D2HGDH: variants seen among roughly 807,000 people sequenced by gnomAD.
D2HGDH encodes D-2-hydroxyglutarate dehydrogenase, mitochondrial.
Under a neutral mutation model 46.9 loss-of-function variants are expected in D2HGDH, and 31 were observed. The ratio of observed to expected loss-of-function variants is 0.66; its 90% CI spans 0.50 to 0.89. D2HGDH has a LOEUF of 0.89. Ranked by LOEUF, D2HGDH falls within the 40% of genes least tolerant of loss-of-function variation. The pLI is 0.00. For missense variants in D2HGDH, 698 were observed against 720.8 expected (o/e 0.97, Z 0.36); for synonymous variants, 364 against 332.6 (o/e 1.09, Z -1.03).
At chr2:241,751,467 T>C in intron 8 of D2HGDH, 79 bp downstream of exon 8, 2 of 1,582,250 alleles carry the variant, frequency 1.3e-6, no homozygotes, top group Non-Finnish European at 1.7e-6. Flanking sequence ...GGAACGGTCA[T>C]TGGTGCAGCC....
chr2:241,757,308 G>A (rs1182869992), intron 9 of D2HGDH, among the ~76,000 whole-genome samples: 1 of 152,130 alleles, frequency 6.6e-6, no homozygotes, highest in Non-Finnish European at 1.5e-5. Context: ...TAGGAAGGCA[G>A]GACTCCTGAA....
At chr2:241,754,689 G>C (rs1037952527) in intron 8 of D2HGDH, 1 of 191,900 alleles carries the variant, frequency 5.2e-6, no homozygotes, top group Admixed American at 5.5e-5. Context: ...CTGCAGCCTC[G>C]ACCTCCTGGG....
chr2:241,751,126 G>C, intron 7 of D2HGDH, 120 bp from the exon 8 acceptor site: 1 of 1,381,944 alleles, frequency 7.2e-7, no homozygotes, highest in Non-Finnish European at 1.0e-6. Flanking sequence ...AGGCTGCCTG[G>C]GTCCTTCTTG....
chr2:241,756,369 C>G (rs887937333), intron 9 of D2HGDH, among the ~76,000 whole-genome samples: 4 of 152,232 alleles, frequency 2.6e-5, no homozygotes, highest in Non-Finnish European at 5.9e-5. Flanking sequence ...TCACAGGGCC[C>G]GGCCCCGAGG....
chr2:241,768,271 C>G lies in D2HGDH; in HGVS notation c.*302C>G, dbSNP rs184270343. ...GTGGAAGCGGGGTGGGTCTCACTTG[C>G]GTGGTGGCCCCTGGCCCCATCTTGC... On this transcript the variant is annotated 3_prime_UTR_variant, in exon 10 of 10. Transcript: ENST00000321264. 4.6e-6 allele frequency: 2 copies of G among 431,084 alleles called. No homozygotes were observed. The highest frequency in any genetic ancestry group is 3.3e-5 in the South Asian group (1 of 30,502). The allele number at this position is 431,084 out of a possible 1,614,324, so 26.7% of individuals were successfully genotyped here.
intron 2 of D2HGDH, among the ~76,000 whole-genome samples, chr2:241,736,955 T>C (rs1693039765): frequency 6.6e-6 from 1 of 151,502 alleles, no homozygotes; most frequent in Non-Finnish European, 1.5e-5. Flanking sequence ...GCCACTGCAC[T>C]TAGCTGGACC....
intron 9 of D2HGDH, among the ~76,000 whole-genome samples, chr2:241,760,661 CCAAT>C (rs781271718): frequency 3.3e-5 from 5 of 151,936 alleles, no homozygotes; most frequent in Non-Finnish European, 7.4e-5. Context: ...TGGGCCTTAC[CCAAT>C]CAGTCGAAGG....
chr2:241,754,338 A>G (rs1461288481), intron 8 of D2HGDH, among the ~76,000 whole-genome samples: 3 of 152,156 alleles, frequency 2.0e-5, no homozygotes, highest in Admixed American at 6.5e-5. Context: ...ATCTGACCGA[A>G]CTAGCTCTAG....
chr2:241,761,487 C>T (rs1026215668), intron 9 of D2HGDH, among the ~76,000 whole-genome samples: 1 of 152,028 alleles, frequency 6.6e-6, no homozygotes, highest in Non-Finnish European at 1.5e-5. Flanking sequence ...TGCAGTGAGG[C>T]GAGGTTGTGC....
At chr2:241,755,785 T>C (rs753774071) in intron 8 of D2HGDH, 64 bp from the exon 9 acceptor site, 1 of 1,611,808 alleles carries the variant, frequency 6.2e-7, no homozygotes, top group Non-Finnish European at 8.5e-7. Flanking sequence ...CCGTGTGGTG[T>C]GCCCCCTGTC....
At chr2:241,746,365 TTTGA>T (rs1259804866) in intron 6 of D2HGDH, among the ~76,000 whole-genome samples, 39 of 152,326 alleles carry the variant, frequency 2.6e-4, no homozygotes, top group Admixed American at 1.9e-3. Flanking sequence ...AGTTTTACAT[TTTGA>T]TTATGAAAGT....
intron 1 of D2HGDH, 79 bp from the exon 2 acceptor site, chr2:241,735,054 G>A (rs1692377833): frequency 2.7e-6 from 2 of 748,336 alleles, no homozygotes; most frequent in South Asian, 2.2e-5. Flanking sequence ...CTGCCCTCCT[G>A]CCCCCTCCCT....
rs1575222566 is a variant in D2HGDH at position 241,743,270 on chromosome 2, A to G, written c.491-352A>G. Among the ~76,000 whole-genome samples, 1 of 152,326 alleles carries G rather than the reference A, an allele frequency of 6.6e-6. No homozygotes were observed. The highest frequency in any genetic ancestry group is 2.4e-5 in the African/African-American group (1 of 41,570). On this transcript the variant is annotated intron_variant, in intron 4 of 9. Transcript: ENST00000321264. This position sits in a 1 kb window ranked among gnomAD's most constrained non-coding sequence, Gnocchi z 4.8. ...CTTGGCCTCCGCCTACAAGGTGCCC[A>G]TGGCACCCCCAACCCAGGCATTGTC...
intron 2 of D2HGDH, chr2:241,735,972 A>T (rs1216287742): frequency 4.9e-6 from 1 of 202,678 alleles, no homozygotes; most frequent in Non-Finnish European, 1.0e-5. Flanking sequence ...CATGTTGGCC[A>T]GGATGGTCTC....
At chr2:241,746,399 G>A (rs1266732677) in intron 6 of D2HGDH, among the ~76,000 whole-genome samples, 1 of 152,046 alleles carries the variant, frequency 6.6e-6, no homozygotes, top group East Asian at 1.9e-4. Context: ...TAAAAGTTTT[G>A]TTATTTTTGT....
At position 241,750,312 on chromosome 2, in the gene D2HGDH, A is replaced by C; in HGVS notation, c.997+18A>C. On this transcript the variant is annotated intron_variant, in intron 7 of 9. Coordinates refer to ENST00000321264, the MANE Select transcript of D2HGDH (RefSeq NM_152783.5). ...GGTGCAAGGTACTGACCCCCCACAC[A>C]GGGGGCAGCTGGTCCTGCAGCTCCT... The C allele has an allele frequency of 3.7e-6, 5 of 1,364,478 alleles. No individual in the cohort carries two copies. In the South Asian group the frequency reaches 5.7e-5, roughly 16 times the overall value. 84.5% of individuals were successfully genotyped at this position (1,364,478 alleles called of 1,614,324 possible). A position where few individuals can be genotyped will look rare whatever the true frequency, so the allele number is the denominator to read the frequency against.
At chr2:241,761,038 G>A (rs749479178) in intron 9 of D2HGDH, among the ~76,000 whole-genome samples, 4 of 152,176 alleles carry the variant, frequency 2.6e-5, no homozygotes, top group Non-Finnish European at 5.9e-5. Flanking sequence ...TGCACAGTGC[G>A]AGGACTTCAG....
At chr2:241,755,799 G>A (rs770341529) in intron 8 of D2HGDH, 50 bp from the exon 9 acceptor site, 25 of 1,610,590 alleles carry the variant, frequency 1.6e-5, no homozygotes, top group Middle Eastern at 1.6e-4. Context: ...CCCTGTCCCC[G>A]GGTGTCGTTC....
intron 8 of D2HGDH, among the ~76,000 whole-genome samples, chr2:241,754,157 G>A (rs112697222): frequency 0.09 from 13,644 of 152,262 alleles, 784 homozygotes; most frequent in East Asian, 0.21. Flanking sequence ...TTGTGGCCAC[G>A]GGGACACATG....
Sources: gnomAD v4.1 joint callset for allele counts (sites outside exome capture counted in the v4.1 genomes callset) on GRCh38, gnomAD v4.1.1 for gene constraint, Gnocchi (gnomAD v3.1) non-coding constraint, MANE v1.5 for transcripts, NCBI Gene and HGNC (gene_info 2026-07-23, HGNC 2026-07-21) for gene names.